Variants in CAMK2G observed in about 807,000 individuals in gnomAD.
The protein encoded by CAMK2G is calcium/calmodulin-dependent protein kinase type II subunit gamma.
Under a neutral mutation model 88.7 loss-of-function variants are expected in CAMK2G, and 23 were observed. The observed-to-expected ratio is 0.26, with a 90% CI of 0.19 to 0.37. CAMK2G has a LOEUF of 0.37. Ranked by LOEUF, CAMK2G falls within the 10% of genes least tolerant of loss-of-function variation. CAMK2G has a pLI of 1.00. For synonymous variants in CAMK2G, 263 were observed against 294.8 expected (o/e 0.89, Z 1.11); for missense variants, 476 against 780.8 (o/e 0.61, Z 4.65).
chr10:73,855,250 G>A (rs1202819394), intron 3 of CAMK2G, among the ~76,000 whole-genome samples: 2 of 152,172 alleles, frequency 1.3e-5, no homozygotes, highest in Non-Finnish European at 2.9e-5. Context: ...TCTTGCTGCA[G>A]CTGCTGCTCC....
intron 14 of CAMK2G, among the ~76,000 whole-genome samples, chr10:73,833,441 G>C (rs1338034559): frequency 6.6e-6 from 1 of 152,034 alleles, no homozygotes; most frequent in Non-Finnish European, 1.5e-5. Flanking sequence ...GACCATTCTG[G>C]TTTTCACTAC....
intron 10 of CAMK2G, among the ~76,000 whole-genome samples, chr10:73,844,283 G>A (rs1440581287): frequency 6.6e-6 from 1 of 151,506 alleles, no homozygotes; most frequent in East Asian, 1.9e-4. Flanking sequence ...TAGAGATGGG[G>A]TTTTGCCATG....
At position 73,842,300 on chromosome 10, in the gene CAMK2G, T is replaced by G; in HGVS notation, c.904-89A>C. On this transcript the variant is annotated intron_variant, in intron 11 of 22. Coordinates refer to ENST00000423381, the MANE Select transcript of CAMK2G (RefSeq NM_001367534.1). The surrounding 1 kb of genome is among the most constrained non-coding windows in gnomAD (Gnocchi z 4.6). ...GCAAAGGCAGGTCCTGGCTAGAGCCTGAAGACATCAGGCCTCTGGGCCCCC... is the reference window on the plus strand; with the variant it reads ...GCAAAGGCAGGTCCTGGCTAGAGCCGGAAGACATCAGGCCTCTGGGCCCCC... 1.6e-6 allele frequency: 2 copies of G among 1,251,882 alleles called. No individual in the cohort carries two copies. The highest frequency in any genetic ancestry group is 1.2e-6 in the Non-Finnish European group (1 of 849,932). The allele number at this position is 1,251,882 out of a possible 1,614,324, so 77.5% of individuals were successfully genotyped here.
intron 5 of CAMK2G, among the ~76,000 whole-genome samples, chr10:73,850,306 C>T (rs1056979328): frequency 6.6e-6 from 1 of 152,194 alleles, no homozygotes; most frequent in Non-Finnish European, 1.5e-5. Flanking sequence ...CAGTCACACA[C>T]GTAAATCAGA....
intron 12 of CAMK2G, among the ~76,000 whole-genome samples, chr10:73,841,437 A>T (rs796389202): frequency 1.3e-5 from 2 of 152,298 alleles, no homozygotes; most frequent in African/African-American, 4.8e-5. Flanking sequence ...TTCCTCACAA[A>T]AAAGCCACTG....
chr10:73,862,810 C>T (rs755372978), intron 2 of CAMK2G, among the ~76,000 whole-genome samples: 2 of 152,240 alleles, frequency 1.3e-5, no homozygotes, highest in Non-Finnish European at 2.9e-5. Context: ...GGGGCCTTCA[C>T]ATCCATAGCT....
intron 21 of CAMK2G, 97 bp from the exon 22 acceptor site, chr10:73,815,344 ACCACTC>A: frequency 1.2e-6 from 1 of 818,528 alleles, no homozygotes; most frequent in South Asian, 1.6e-5. Context: ...CTCCCAAGCA[ACCACTC>A]CCAGAATCTC....
In CAMK2G at chr10:73,821,672, CAG is replaced by C. The variant is rs778200735; in HGVS notation, c.1249+8_1249+9del. 47 of 1,607,606 alleles carry C rather than the reference CAG, an allele frequency of 2.9e-5. No homozygotes were observed. The South Asian group carries it at 5.2e-4, about 18-fold the overall frequency. On this transcript the variant is annotated splice_region_variant and intron_variant, in intron 18 of 22. Transcript: ENST00000423381. ...CTGGAGTCCTTCCCCCTCCAAGGGC[CAG>C]CACCTACCTTTGAGGTCCTCATCTT...
Position 73,873,850 on chromosome 10 carries a change from G to C in CAMK2G, c.65+547C>G, listed in dbSNP as rs1371021568. 4.2e-5 allele frequency among the ~76,000 whole-genome samples: 4 copies of C among 94,956 alleles called. No homozygotes were observed. The East Asian group carries it at 1.5e-3, about 37-fold the overall frequency. 62.3% of individuals were successfully genotyped at this position (94,956 alleles called of 152,430 possible). On this transcript the variant is annotated intron_variant, in intron 1 of 22. Transcript: ENST00000423381. ...AGGGGGATGCTGAGGCTGCGGCGCG[G>C]CTCCCGGGACCACTGCAGGGGTGGG...
intron 3 of CAMK2G, among the ~76,000 whole-genome samples, chr10:73,855,349 G>A (rs1388157467): frequency 6.6e-6 from 1 of 152,214 alleles, no homozygotes; most frequent in Admixed American, 6.5e-5. Flanking sequence ...CTGGAAATCA[G>A]CTGTCCCAGA....
chr10:73,845,662 A>T (rs58125091), intron 10 of CAMK2G, among the ~76,000 whole-genome samples: 28,370 of 151,614 alleles, frequency 0.19, 2,743 homozygotes, highest in South Asian at 0.25. Context: ...GTGAGGGTAC[A>T]ACTCTCCGCT....
At chr10:73,847,157 G>A (rs2094307373) in intron 10 of CAMK2G, 68 bp downstream of exon 10, 1 of 1,525,680 alleles carries the variant, frequency 6.6e-7, no homozygotes, top group South Asian at 1.1e-5. Context: ...AAGAAGGAGG[G>A]GGTGGTGCCG....
chr10:73,833,913 T>G (rs2092865376), intron 14 of CAMK2G, among the ~76,000 whole-genome samples: 3 of 116,630 alleles, frequency 2.6e-5, no homozygotes, highest in South Asian at 3.2e-4. Flanking sequence ...TACTGGGTTT[T>G]TTTTTTTTTT....
At chr10:73,847,715 C>T (rs2094347245) in intron 9 of CAMK2G, among the ~76,000 whole-genome samples, 1 of 152,204 alleles carries the variant, frequency 6.6e-6, no homozygotes, top group Admixed American at 6.5e-5. Flanking sequence ...CACAGCACAC[C>T]AATGAGGCCG....
chr10:73,827,774 T>C (rs1350521418), intron 15 of CAMK2G, among the ~76,000 whole-genome samples: 1 of 152,166 alleles, frequency 6.6e-6, no homozygotes, highest in Non-Finnish European at 1.5e-5. Flanking sequence ...TCCTTCTGGG[T>C]GACAAGAGAG....
intron 13 of CAMK2G, among the ~76,000 whole-genome samples, chr10:73,838,825 C>T (rs2134240024): frequency 6.6e-6 from 1 of 152,338 alleles, no homozygotes; most frequent in Non-Finnish European, 1.5e-5. Context: ...AAGCGTACTA[C>T]CTATCTTATC....
At chr10:73,821,126 A>T (rs541162061) in intron 18 of CAMK2G, among the ~76,000 whole-genome samples, 1 of 145,514 alleles carries the variant, frequency 6.9e-6, no homozygotes, top group South Asian at 2.2e-4. Context: ...TTTGTTCCTA[A>T]TTTTTTTTTT....
intron 2 of CAMK2G, among the ~76,000 whole-genome samples, chr10:73,872,187 G>A (rs192914153): frequency 6.6e-6 from 1 of 152,196 alleles, no homozygotes; most frequent in African/African-American, 2.4e-5. Context: ...GTACCCAATA[G>A]GAAGTTCAGA....
At chr10:73,822,784 G>C (rs1251798238) in intron 17 of CAMK2G, among the ~76,000 whole-genome samples, 1 of 152,158 alleles carries the variant, frequency 6.6e-6, no homozygotes, top group Admixed American at 6.5e-5. Flanking sequence ...TTCTAGCTCA[G>C]ATATCACCTC....
Sources: gnomAD v4.1 joint callset for allele counts (sites outside exome capture counted in the v4.1 genomes callset) on GRCh38, gnomAD v4.1.1 for gene constraint, Gnocchi (gnomAD v3.1) non-coding constraint, MANE v1.5 for transcripts, NCBI Gene and HGNC (gene_info 2026-07-23, HGNC 2026-07-21) for gene names.